CNTNAP2: variants seen among roughly 807,000 people sequenced by gnomAD.
The protein encoded by CNTNAP2 is contactin associated protein 2.
CNTNAP2 carries 98 observed loss-of-function variants against 155.2 expected under a neutral mutation model. The observed-to-expected ratio is 0.63, with a 90% CI of 0.54 to 0.75. The LOEUF (loss-of-function observed/expected upper bound fraction) is 0.75, where lower values mean the gene tolerates loss of function less well. Among genes scored for constraint, CNTNAP2 ranks in the 30% least tolerant of loss-of-function variants. The pLI, the probability that CNTNAP2 is intolerant of heterozygous loss-of-function variation, is 0.00. For synonymous variants in CNTNAP2, 651 were observed against 631.2 expected (o/e 1.03, Z -0.47); for missense variants, 1,727 against 1,688.1 (o/e 1.02, Z -0.40).
chr7:148,341,217 T>C (rs563732138), intron 21 of CNTNAP2, among the ~76,000 whole-genome samples: 4 of 152,228 alleles, frequency 2.6e-5, no homozygotes, highest in Non-Finnish European at 2.9e-5. Context: ...CCCACACTTA[T>C]TCATTTGAAA....
intron 1 of CNTNAP2, among the ~76,000 whole-genome samples, chr7:146,156,985 A>G (rs1798136562): frequency 6.6e-6 from 1 of 152,242 alleles, no homozygotes; most frequent in Non-Finnish European, 1.5e-5. Flanking sequence ...AAATCCAGCA[A>G]GGAAATTCAG....
At chr7:148,090,155 G>C in intron 15 of CNTNAP2, among the ~76,000 whole-genome samples, 1 of 151,938 alleles carries the variant, frequency 6.6e-6, no homozygotes. Context: ...AAAGCTACTA[G>C]AACAAAACAT....
At chr7:146,511,755 G>T (rs1045152816) in intron 1 of CNTNAP2, among the ~76,000 whole-genome samples, 1 of 152,048 alleles carries the variant, frequency 6.6e-6, no homozygotes, top group South Asian at 2.1e-4. Context: ...TGTTGTCCTT[G>T]CATGGATTTG....
chr7:148,147,063 T>C (rs1805197442), intron 16 of CNTNAP2, among the ~76,000 whole-genome samples: 1 of 152,202 alleles, frequency 6.6e-6, no homozygotes, highest in African/African-American at 2.4e-5. Flanking sequence ...CCCAAGGAGC[T>C]ACTTACTGAA....
intron 3 of CNTNAP2, among the ~76,000 whole-genome samples, chr7:147,026,567 CACTG>C (rs1798923801): frequency 6.6e-6 from 1 of 151,450 alleles, no homozygotes; most frequent in South Asian, 2.1e-4. Context: ...TCTCAAATAA[CACTG>C]AGTTCATTCT....
chr7:146,346,944 TA>T (rs758319190), intron 1 of CNTNAP2, among the ~76,000 whole-genome samples: 28 of 150,794 alleles, frequency 1.9e-4, no homozygotes, highest in Middle Eastern at 3.4e-3. Context: ...TTTTTTATTT[TA>T]TTTTTTTTTG....
intron 14 of CNTNAP2, among the ~76,000 whole-genome samples, chr7:147,919,527 C>T (rs1378007446): frequency 1.4e-5 from 2 of 139,126 alleles, no homozygotes; most frequent in African/African-American, 5.4e-5. Context: ...GGCGCAATCT[C>T]TGCTCACTGC....
rs137872784 is a variant in CNTNAP2, at chr7:147,828,154, G to A, written c.2099-75411G>A. On this transcript the variant is annotated intron_variant, in intron 13 of 23. Coordinates refer to ENST00000361727, the MANE Select transcript of CNTNAP2 (RefSeq NM_014141.6). The stretch of plus-strand genomic sequence containing the variant: ...TTCAGATATGAAGATGTGCTTCCAG[G>A]TACAGCACTAGAGGTACAAATTCAT... 1.3e-3 allele frequency among the ~76,000 whole-genome samples: 196 copies of A among 152,252 alleles called. 1 individual carries two copies. Among genetic ancestry groups the A allele is most frequent in the African/African-American group, 4.5e-3 (189 of 41,562 alleles).
At chr7:147,637,528 C>T (rs1057135954) in intron 12 of CNTNAP2, among the ~76,000 whole-genome samples, 32 of 152,078 alleles carry the variant, frequency 2.1e-4, no homozygotes, top group East Asian at 1.9e-4. Flanking sequence ...CTCTCTCTTG[C>T]GCTCTGTCTC....
chr7:147,907,305 C>T (rs1323082169), intron 14 of CNTNAP2, among the ~76,000 whole-genome samples: 1 of 152,172 alleles, frequency 6.6e-6, no homozygotes, highest in African/African-American at 2.4e-5. Flanking sequence ...ATCTGCCCAC[C>T]TCGGCCTCCC....
chr7:146,391,328 C>T (rs993592631), intron 1 of CNTNAP2, among the ~76,000 whole-genome samples: 1 of 151,752 alleles, frequency 6.6e-6, no homozygotes, highest in East Asian at 1.9e-4. Flanking sequence ...GCTGGAGCAT[C>T]GTCAGCACTT....
intron 11 of CNTNAP2, among the ~76,000 whole-genome samples, chr7:147,514,295 A>T (rs1185675942): frequency 6.6e-6 from 1 of 152,108 alleles, no homozygotes; most frequent in Non-Finnish European, 1.5e-5. Context: ...TGGATATTAT[A>T]AATCAATAGA....
At chr7:146,404,783 G>A (rs187795314) in intron 1 of CNTNAP2, among the ~76,000 whole-genome samples, 1 of 151,918 alleles carries the variant, frequency 6.6e-6, no homozygotes, top group East Asian at 1.9e-4. Flanking sequence ...GCTGGAGTTG[G>A]CCTTGGGCTT....
intron 1 of CNTNAP2, among the ~76,000 whole-genome samples, chr7:146,569,282 G>C (rs143467446): frequency 0.023 from 3,507 of 152,220 alleles, 50 homozygotes; most frequent in Middle Eastern, 0.048. Context: ...GCCTCCCAAA[G>C]TGTTGGGATT....
intron 10 of CNTNAP2, among the ~76,000 whole-genome samples, chr7:147,452,557 A>G (rs185231796): frequency 2.0e-5 from 3 of 152,328 alleles, no homozygotes; most frequent in Non-Finnish European, 4.4e-5. Flanking sequence ...TAGTACTAAT[A>G]AAAAGTAATA....
At chr7:146,288,587 AAGGACTT>A (rs1800376829) in intron 1 of CNTNAP2, among the ~76,000 whole-genome samples, 1 of 151,864 alleles carries the variant, frequency 6.6e-6, no homozygotes, top group South Asian at 2.1e-4. Flanking sequence ...CAAAAACCTT[AAGGACTT>A]ACTCTATTTG....
chr7:148,166,602 G>A (rs1380379756), intron 17 of CNTNAP2, among the ~76,000 whole-genome samples: 1 of 151,860 alleles, frequency 6.6e-6, no homozygotes, highest in African/African-American at 2.4e-5. Context: ...ATTCATTATG[G>A]GTAGTTCCAG....
intron 1 of CNTNAP2, among the ~76,000 whole-genome samples, chr7:146,541,788 T>C (rs937538839): frequency 1.3e-5 from 2 of 151,996 alleles, no homozygotes; most frequent in African/African-American, 4.8e-5. Flanking sequence ...CATTATGTCA[T>C]AAAGGCAATA....
At chr7:148,194,040 G>A (rs761380239) in intron 18 of CNTNAP2, among the ~76,000 whole-genome samples, 2 of 151,468 alleles carry the variant, frequency 1.3e-5, no homozygotes, top group Non-Finnish European at 2.9e-5. Flanking sequence ...GCGCAATCAG[G>A]GCCAACTGCA....
Sources: allele counts gnomAD v4.1 joint callset (sites outside exome capture counted in the v4.1 genomes callset), GRCh38; gene constraint gnomAD v4.1.1; transcripts MANE v1.5; gene names NCBI Gene and HGNC (gene_info 2026-07-23, HGNC 2026-07-21).